Variants in ARPP21 observed in about 807,000 individuals in gnomAD.
ARPP21 encodes cAMP regulated phosphoprotein 21, also known as cAMP-regulated phosphoprotein 21.
Under a neutral mutation model 113.2 loss-of-function variants are expected in ARPP21, and 69 were observed. That is an observed-to-expected ratio of 0.61 (90% CI 0.50 to 0.74). ARPP21 has a LOEUF of 0.74. Among genes scored for constraint, ARPP21 ranks in the 30% least tolerant of loss-of-function variants. The pLI is 0.00. For missense variants in ARPP21, 1,070 were observed against 1,037.4 expected (o/e 1.03, Z -0.43); for synonymous variants, 368 against 375.5 (o/e 0.98, Z 0.23).
chr3:35,721,497 G>A (rs912153359), intron 13 of ARPP21, 108 bp from the exon 14 acceptor site: 7 of 654,004 alleles, frequency 1.1e-5, no homozygotes, highest in Admixed American at 5.6e-5. Flanking sequence ...TTGGCAGGAA[G>A]GGTCTTGTGT....
rs1289672153 is a variant in ARPP21 at position 35,720,668 on chromosome 3, C to T, written c.996-937C>T. Among the ~76,000 whole-genome samples, 3 of 152,070 alleles carry T rather than the reference C, an allele frequency of 2.0e-5. No homozygotes were observed. The East Asian group carries it at 5.8e-4, about 29-fold the overall frequency. ...TCAGAAAAAGCTTTGAATTTATTAA[C>T]AAAGTTATGCTTTAGACAGATTGGA... On this transcript the variant is annotated intron_variant, in intron 13 of 20. Transcript: ENST00000684406.
chr3:35,736,149 T>A (rs2094336718), intron 15 of ARPP21, among the ~76,000 whole-genome samples: 1 of 152,194 alleles, frequency 6.6e-6, no homozygotes, highest in Admixed American at 6.5e-5. Flanking sequence ...AATAGGTTGC[T>A]TGGTCCCCCT....
chr3:35,738,120 A>T (rs1338969985), intron 16 of ARPP21, 94 bp from the exon 17 acceptor site: 2 of 772,204 alleles, frequency 2.6e-6, no homozygotes, highest in Non-Finnish European at 4.3e-6. Context: ...AGTGCACTGA[A>T]CCTAGAGAGC....
chr3:35,739,642 T>C, intron 18 of ARPP21, 65 bp downstream of exon 18: 1 of 1,521,706 alleles, frequency 6.6e-7, no homozygotes, highest in Non-Finnish European at 8.8e-7. Context: ...CCTTTATCTT[T>C]CTATGTAGAA....
At chr3:35,721,238 T>G (rs1285236825) in intron 13 of ARPP21, among the ~76,000 whole-genome samples, 3 of 152,362 alleles carry the variant, frequency 2.0e-5, no homozygotes, top group Admixed American at 6.5e-5. Flanking sequence ...CAATTACTTC[T>G]GAACATTAAT....
intron 19 of ARPP21, among the ~76,000 whole-genome samples, chr3:35,774,600 T>A (rs1347793474): frequency 6.6e-6 from 1 of 152,200 alleles, no homozygotes; most frequent in Middle Eastern, 3.2e-3. Flanking sequence ...AAGAATGAGT[T>A]ACTCATCTCT....
intron 15 of ARPP21, among the ~76,000 whole-genome samples, chr3:35,735,989 C>A (rs896433629): frequency 1.3e-5 from 2 of 152,004 alleles, no homozygotes; most frequent in Non-Finnish European, 2.9e-5. Flanking sequence ...CATTTTTTTT[C>A]ATCGTTACCC....
intron 11 of ARPP21, among the ~76,000 whole-genome samples, chr3:35,710,566 C>T (rs537295732): frequency 1.3e-5 from 2 of 151,918 alleles, no homozygotes; most frequent in East Asian, 1.9e-4. Flanking sequence ...CACACACACA[C>T]ACACACACAC....
intron 1 of ARPP21, among the ~76,000 whole-genome samples, chr3:35,678,034 G>A (rs955663848): frequency 1.3e-5 from 2 of 151,902 alleles, no homozygotes; most frequent in African/African-American, 2.4e-5. Context: ...TTTAGAGCTC[G>A]GTGCTATTTC....
intron 19 of ARPP21, among the ~76,000 whole-genome samples, chr3:35,789,165 T>C (rs1316508683): frequency 6.6e-6 from 1 of 152,256 alleles, no homozygotes; most frequent in South Asian, 2.1e-4. Context: ...CAGCTAAGAA[T>C]TGACAAACTG....
chr3:35,656,736 G>A (rs1184716737), intron 1 of ARPP21, among the ~76,000 whole-genome samples: 1 of 151,794 alleles, frequency 6.6e-6, no homozygotes, highest in East Asian at 1.9e-4. Context: ...TGATAGTGAT[G>A]GTGGTTATAT....
At chr3:35,669,936 T>C (rs889438704) in intron 1 of ARPP21, among the ~76,000 whole-genome samples, 2 of 152,146 alleles carry the variant, frequency 1.3e-5, no homozygotes, top group African/African-American at 4.8e-5. Context: ...TCTTCAGTAC[T>C]GCATGGACCA....
chr3:35,654,614 C>T (rs1395010343), intron 1 of ARPP21, among the ~76,000 whole-genome samples: 1 of 152,078 alleles, frequency 6.6e-6, no homozygotes, highest in Non-Finnish European at 1.5e-5. Context: ...AAACCAAACA[C>T]CTGGAATGCA....
rs141243111 is a variant in ARPP21 at position 35,680,384 on chromosome 3, C to T, written c.-39+424C>T. On this transcript the variant is annotated intron_variant, in intron 2 of 20. Transcript: ENST00000684406. ...TAGTCACTTTACAGACTCAAACTACCATCCTTTTGGAAAACCTCCTTTTGC... is the reference window on the plus strand; with the variant it reads ...TAGTCACTTTACAGACTCAAACTACTATCCTTTTGGAAAACCTCCTTTTGC... 4.8e-3 allele frequency among the ~76,000 whole-genome samples: 726 copies of T among 152,038 alleles called. 3 individuals are homozygous for T. The highest frequency in any genetic ancestry group is 6.4e-3 in the South Asian group (31 of 4,824).
At chr3:35,692,861 A>C (rs1328929228) in intron 9 of ARPP21, among the ~76,000 whole-genome samples, 2 of 151,698 alleles carry the variant, frequency 1.3e-5, no homozygotes, top group East Asian at 3.9e-4. Flanking sequence ...CAGCTATTGG[A>C]TAGAGCAGAT....
At chr3:35,695,772 T>A (rs1166983636) in intron 9 of ARPP21, among the ~76,000 whole-genome samples, 1 of 151,522 alleles carries the variant, frequency 6.6e-6, no homozygotes, top group Non-Finnish European at 1.5e-5. Context: ...AATCTCTACA[T>A]TTTTTTAACA....
chr3:35,788,979 G>A (rs192729722), intron 19 of ARPP21, among the ~76,000 whole-genome samples: 96 of 152,240 alleles, frequency 6.3e-4, no homozygotes, highest in Non-Finnish European at 1.1e-3. Context: ...GAAAATAAAT[G>A]ACACATGTGA....
Position 35,682,750 on chromosome 3 carries a change from TTTTCTCTCTTTC to T in ARPP21, c.130-88_130-77del. The T allele has an allele frequency of 3.5e-6, 4 of 1,141,982 alleles. No individual in the cohort carries two copies. In the South Asian group the frequency reaches 6.3e-5, roughly 18 times the overall value. 70.7% of individuals were successfully genotyped at this position (1,141,982 alleles called of 1,614,324 possible). A position where few individuals can be genotyped will look rare whatever the true frequency, so the allele number is the denominator to read the frequency against. ...TCTCTACTGTAGCCGGTAGTGACAT[TTTTCTCTCTTTC>T]TTTCTCTCTCTCTCTCGGTTGTTGA... On this transcript the variant is annotated intron_variant, in intron 3 of 20. Transcript: ENST00000684406.
chr3:35,754,264 T>C (rs2095501036), intron 19 of ARPP21, among the ~76,000 whole-genome samples: 1 of 152,042 alleles, frequency 6.6e-6, no homozygotes, highest in Admixed American at 6.6e-5. Flanking sequence ...TTGTAATTTT[T>C]ATTTGAGGAA....
Sources: gnomAD v4.1 joint callset for allele counts (sites outside exome capture counted in the v4.1 genomes callset) on GRCh38, gnomAD v4.1.1 for gene constraint, MANE v1.5 for transcripts, NCBI Gene and HGNC (gene_info 2026-07-23, HGNC 2026-07-21) for gene names.